The following DSN1 variants were observed in gnomAD, a reference collection of about 807,000 sequenced individuals.
DSN1 encodes the protein kinetochore-associated protein DSN1 homolog.
A neutral mutation model predicts 45.7 loss-of-function variants in DSN1; 31 were observed. The observed-to-expected ratio is 0.68, with a 90% confidence interval of 0.51 to 0.92. DSN1 has a LOEUF of 0.92. Among genes scored for constraint, DSN1 ranks in the 40% least tolerant of loss-of-function variants. The pLI, the probability that DSN1 is intolerant of heterozygous loss-of-function variation, is 0.00. For missense variants in DSN1, 394 were observed against 414.2 expected (o/e 0.95, Z 0.42); for synonymous variants, 134 against 142.3 (o/e 0.94, Z 0.41).
intron 10 of DSN1, among the ~76,000 whole-genome samples, 199 bp downstream of exon 10, chr20:36,754,564 G>A (rs904331822): frequency 5.9e-5 from 9 of 152,116 alleles, no homozygotes; most frequent in African/African-American, 1.4e-4. Flanking sequence ...TCAGTCTACT[G>A]TGCTTCTGTA....
intron 1 of DSN1, among the ~76,000 whole-genome samples, chr20:36,772,201 A>G (rs1047003113): frequency 6.6e-6 from 1 of 151,840 alleles, no homozygotes; most frequent in African/African-American, 2.4e-5. Context: ...AGTTTAGTTC[A>G]GGTCTCATAA....
chr20:36,758,627 AGATAG>A lies in DSN1; in HGVS notation c.591-15_591-11del. The A allele has an allele frequency of 1.2e-6, 2 of 1,608,696 alleles. No homozygotes were observed. The highest frequency in any genetic ancestry group is 1.7e-5 in the Admixed American group (1 of 59,604). ...AAAATCTGATGCTTTTCTGGAAAAC[AGATAG>A]GATTATGACATAAATCTTTCAAGAA... is the stretch of plus-strand genomic sequence containing the variant. On this transcript the variant is annotated splice_polypyrimidine_tract_variant and intron_variant, in intron 6 of 10. Transcript: ENST00000373750.
intron 8 of DSN1, 118 bp downstream of exon 8, chr20:36,757,969 T>G: frequency 4.1e-4 from 381 of 935,364 alleles, no homozygotes; most frequent in Non-Finnish European, 5.6e-4. Context: ...CAGAATTTGA[T>G]GAGCTTATTG....
In DSN1 at chr20:36,752,734, C is replaced by T; in HGVS notation, c.*54G>A. On this transcript the variant is annotated 3_prime_UTR_variant, in exon 11 of 11. Transcript: ENST00000373750. ...ATCACGCAGTCACCACGTGCTGGGG[C>T]ACTCTTCCCATTCCTCTCCTCTTGG... 7.0e-7 allele frequency: 1 copy of T among 1,436,492 alleles called. No individual in the cohort carries two copies. Among genetic ancestry groups the T allele is most frequent in the East Asian group, 2.3e-5 (1 of 43,844 alleles). The allele number at this position is 1,436,492 out of a possible 1,614,324, so 89.0% of individuals were successfully genotyped here.
chr20:36,757,112 T>C (rs1042603161), intron 8 of DSN1, among the ~76,000 whole-genome samples: 1 of 152,192 alleles, frequency 6.6e-6, no homozygotes, highest in Admixed American at 6.5e-5. Flanking sequence ...TCTCAACACA[T>C]TGGGAGGCCA....
At chr20:36,753,713 T>G (rs1190645042) in intron 10 of DSN1, among the ~76,000 whole-genome samples, 1 of 144,882 alleles carries the variant, frequency 6.9e-6, no homozygotes, top group African/African-American at 2.6e-5. Context: ...ATGTGATCAA[T>G]AAGAAGATGG....
intron 10 of DSN1, among the ~76,000 whole-genome samples, chr20:36,753,904 G>A (rs759801160): frequency 1.3e-5 from 2 of 151,828 alleles, no homozygotes; most frequent in East Asian, 3.9e-4. Context: ...TACTCGGGAG[G>A]CTGAGGCAGA....
intron 3 of DSN1, 77 bp downstream of exon 3, chr20:36,770,796 C>T: frequency 2.0e-6 from 3 of 1,485,792 alleles, no homozygotes; most frequent in Non-Finnish European, 2.7e-6. Context: ...TGCCATACCT[C>T]ACTGCCTCTT....
intron 5 of DSN1, among the ~76,000 whole-genome samples, chr20:36,766,078 C>T (rs1399448914): frequency 6.7e-6 from 1 of 150,360 alleles, no homozygotes. Flanking sequence ...TCTGTAATCC[C>T]AGCTACTCAG....
At chr20:36,754,395 T>TA (rs1986557419) in intron 10 of DSN1, among the ~76,000 whole-genome samples, 1 of 151,954 alleles carries the variant, frequency 6.6e-6, no homozygotes, top group Admixed American at 6.6e-5. Flanking sequence ...GTATAGCCAA[T>TA]AATTTAGGGC....
At chr20:36,763,885 CAAAAAA>C (rs148628979) in intron 5 of DSN1, among the ~76,000 whole-genome samples, 1 of 37,462 alleles carries the variant, frequency 2.7e-5, no homozygotes, top group Non-Finnish European at 4.3e-5. Context: ...AACTCTGTCT[CAAAAAA>C]AAAAAAAAAA....
At chr20:36,769,940 C>CACACACAG (rs1180907554) in intron 3 of DSN1, among the ~76,000 whole-genome samples, 2 of 84,970 alleles carry the variant, frequency 2.4e-5, no homozygotes, top group African/African-American at 8.3e-5. Context: ...CACACACACA[C>CACACACAG]AGAGAGAGAG....
chr20:36,758,008 T>A (rs1453791612), intron 8 of DSN1, 79 bp downstream of exon 8: 4 of 1,331,338 alleles, frequency 3.0e-6, no homozygotes, highest in Non-Finnish European at 4.2e-6. Flanking sequence ...ATCTTTCAAT[T>A]TGTGCTAACA....
chr20:36,770,178 C>A (rs775575942), intron 3 of DSN1, among the ~76,000 whole-genome samples: 7 of 152,106 alleles, frequency 4.6e-5, no homozygotes, highest in Non-Finnish European at 1.0e-4. Flanking sequence ...GATCCTCTTG[C>A]CTCAGCCTCT....
chr20:36,769,301 CTTAA>C, intron 3 of DSN1, among the ~76,000 whole-genome samples: 1 of 152,312 alleles, frequency 6.6e-6, no homozygotes, highest in African/African-American at 2.4e-5. Flanking sequence ...GTTCTTGTCT[CTTAA>C]TTGTCACTGC....
chr20:36,769,464 A>C (rs1009424954), intron 3 of DSN1, among the ~76,000 whole-genome samples: 2 of 152,200 alleles, frequency 1.3e-5, no homozygotes, highest in South Asian at 4.1e-4. Flanking sequence ...AGGTAGGGCT[A>C]ATCTTGGGAT....
At chr20:36,758,269 T>C in intron 7 of DSN1, 108 bp from the exon 8 acceptor site, 1 of 1,085,554 alleles carries the variant, frequency 9.2e-7, no homozygotes. Flanking sequence ...AAAATGTGAG[T>C]TGACAGGTCA....
In DSN1 at chr20:36,766,837, G is replaced by C; in HGVS notation, c.434C>G (p.Ser145Cys). The part of the protein sequence containing the change: ...GCLLLSSFQF[S>C]IQKLEPFLRD... ...TAGGAAAGGTTCAAGTTTCTGAATA[G>C]AGAACTAAATAAAGAAAAGCATTTT... is the stretch of plus-strand genomic sequence containing the variant. The change falls in exon 5 of 11, where the codon TCT (serine) becomes TGT (cysteine). Residue 145 changes from serine to cysteine, a missense_variant. Coordinates refer to ENST00000373750, the MANE Select transcript of DSN1 (RefSeq NM_001145315.2). 6.3e-7 allele frequency: 1 copy of C among 1,599,752 alleles called. No homozygotes were observed. Among genetic ancestry groups the C allele is most frequent in the Non-Finnish European group, 8.5e-7 (1 of 1,176,318 alleles).
chr20:36,759,715 C>A (rs1986869887), intron 6 of DSN1, among the ~76,000 whole-genome samples: 1 of 151,768 alleles, frequency 6.6e-6, no homozygotes, highest in Non-Finnish European at 1.5e-5. Flanking sequence ...GATCTCCTGA[C>A]CTCGTGATCC....
Sources: allele counts gnomAD v4.1 joint callset (sites outside exome capture counted in the v4.1 genomes callset), GRCh38; gene constraint gnomAD v4.1.1; transcripts MANE v1.5; gene names NCBI Gene and HGNC (gene_info 2026-07-23, HGNC 2026-07-21).